The following IGF2BP3 variants were observed in gnomAD, a reference collection of about 807,000 sequenced individuals.
IGF2BP3 encodes the protein insulin like growth factor 2 mRNA binding protein 3.
In IGF2BP3, 9 loss-of-function variants were observed where a neutral mutation model predicts 73.8. The observed-to-expected ratio is 0.12, with a 90% CI of 0.07 to 0.21. The LOEUF (loss-of-function observed/expected upper bound fraction) is 0.21. Ranked by LOEUF, IGF2BP3 falls within the 10% of genes least tolerant of loss-of-function variation. The probability of loss-of-function intolerance (pLI) is 1.00; values close to 1 mark genes in which losing one functional copy is unlikely to be tolerated. For missense variants in IGF2BP3, 542 were observed against 714.0 expected, an observed-to-expected ratio of 0.76 and a Z score of 2.75; for synonymous variants, 258 against 256.7, an observed-to-expected ratio of 1.01 and a Z score of -0.05.
intron 2 of IGF2BP3, among the ~76,000 whole-genome samples, chr7:23,421,021 G>T (rs533854970): frequency 6.6e-6 from 1 of 152,090 alleles, no homozygotes; most frequent in Admixed American, 6.5e-5. Context: ...TTTCTTTTGT[G>T]TGTGTGTGAC....
chr7:23,369,462 T>C (rs1258205181), intron 3 of IGF2BP3, among the ~76,000 whole-genome samples: 1 of 152,230 alleles, frequency 6.6e-6, no homozygotes, highest in Non-Finnish European at 1.5e-5. Flanking sequence ...GACTGTCTCC[T>C]TGCTTGACAG....
At chr7:23,441,807 A>C (rs1422053531) in intron 2 of IGF2BP3, among the ~76,000 whole-genome samples, 2 of 152,066 alleles carry the variant, frequency 1.3e-5, no homozygotes, top group Non-Finnish European at 2.9e-5. Flanking sequence ...TCTGTTTATA[A>C]ATTGAATAAG....
chr7:23,365,130 C>A lies in IGF2BP3; in HGVS notation c.286-3389G>T, dbSNP rs537547706. Among the ~76,000 whole-genome samples, 8 of 152,182 alleles carry A rather than the reference C, an allele frequency of 5.3e-5. No individual in the cohort carries two copies. The East Asian group carries it at 1.6e-3, about 30-fold the overall frequency. On this transcript the variant is annotated intron_variant, in intron 3 of 14. Transcript: ENST00000258729. ...GCAGTGAGCAGAGATTGCACCACTG[C>A]ACTCCAGCCTGGGCAAAAGAGCAAG...
At chr7:23,387,042 A>G (rs1786104612) in intron 3 of IGF2BP3, among the ~76,000 whole-genome samples, 1 of 151,080 alleles carries the variant, frequency 6.6e-6, no homozygotes, top group Admixed American at 6.6e-5. Flanking sequence ...ACTCCTGCCT[A>G]GCAACACGGC....
At chr7:23,369,602 T>C (rs1037568321) in intron 3 of IGF2BP3, among the ~76,000 whole-genome samples, 26 of 151,986 alleles carry the variant, frequency 1.7e-4, no homozygotes, top group African/African-American at 6.3e-4. Context: ...CTGCAAGAAA[T>C]TTGATTCACT....
chr7:23,351,444 G>T lies in IGF2BP3; in HGVS notation c.544C>A (p.Gln182Lys). 6.2e-7 allele frequency: 1 copy of T among 1,613,708 alleles called. No homozygotes were observed. Among genetic ancestry groups the T allele is most frequent in the South Asian group, 1.1e-5 (1 of 91,000 alleles). The stretch of plus-strand genomic sequence containing the variant: ...TTGGATACGGATCCTGGAGACCCCT[G>T]CCTTGAGGAGCCCCTCTGCCCAAGC... ...RGLGQRGSSRQGSPGSVSKQK... is the reference protein window; with the variant it reads ...RGLGQRGSSRKGSPGSVSKQK... Residue 182 changes from glutamine to lysine, a missense_variant, in exon 6 of 15, where the codon CAG (glutamine) becomes AAG (lysine). This residue lies in a region of IGF2BP3 where 239 missense variants were observed against 241.9 expected (regional missense o/e 0.99). Transcript: ENST00000258729.
At chr7:23,441,446 G>A (rs1158199114) in intron 2 of IGF2BP3, among the ~76,000 whole-genome samples, 2 of 151,792 alleles carry the variant, frequency 1.3e-5, no homozygotes, top group African/African-American at 2.4e-5. Context: ...GGTGGTGCAC[G>A]CCTGTAGTTC....
At position 23,352,407 on chromosome 7, in the gene IGF2BP3, G is replaced by A. The variant is rs139349782; in HGVS notation, c.402-821C>T. The stretch of plus-strand genomic sequence containing the variant: ...GGGTTCAAGAGATTCTTGTGCCTCA[G>A]CCTCCCAAGTAACTGGGATTATAGG... On this transcript the variant is annotated intron_variant, in intron 5 of 14. Coordinates refer to ENST00000258729, the MANE Select transcript of IGF2BP3 (RefSeq NM_006547.3). Among the ~76,000 whole-genome samples the A allele has an allele frequency of 4.1e-5, 6 of 147,768 alleles. No homozygotes were observed. The East Asian group carries it at 1.0e-3, about 26-fold the overall frequency.
At chr7:23,412,394 G>A (rs750314049) in intron 3 of IGF2BP3, among the ~76,000 whole-genome samples, 1 of 152,212 alleles carries the variant, frequency 6.6e-6, no homozygotes, top group Non-Finnish European at 1.5e-5. Flanking sequence ...AAATATGCAA[G>A]TGTTGAAGTA....
At chr7:23,404,929 G>A (rs866623582) in intron 3 of IGF2BP3, 12 of 152,046 alleles carry the variant, frequency 7.9e-5, no homozygotes, top group African/African-American at 2.9e-4. Context: ...TGTATATTTT[G>A]TTCATTAAAA....
At chr7:23,350,797 C>A (rs980176553) in intron 6 of IGF2BP3, among the ~76,000 whole-genome samples, 3 of 152,136 alleles carry the variant, frequency 2.0e-5, no homozygotes. Context: ...CAATTAAAAC[C>A]ATCAAAAAAT....
chr7:23,312,976 A>T, intron 13 of IGF2BP3, 128 bp from the exon 14 acceptor site: 1 of 618,478 alleles, frequency 1.6e-6, no homozygotes. Flanking sequence ...TGGTAATTCC[A>T]TGAGGTTATT....
chr7:23,321,022 C>T (rs1784129313), intron 10 of IGF2BP3, among the ~76,000 whole-genome samples: 1 of 150,468 alleles, frequency 6.6e-6, no homozygotes, highest in Admixed American at 6.6e-5. Flanking sequence ...ACCCAATCAG[C>T]AAATGTTTCT....
chr7:23,406,287 G>A (rs570891969), intron 3 of IGF2BP3, among the ~76,000 whole-genome samples: 2 of 152,030 alleles, frequency 1.3e-5, no homozygotes, highest in African/African-American at 2.4e-5. Flanking sequence ...GGTATCTAAG[G>A]TCCTTGCTTT....
chr7:23,399,501 C>A (rs1786592109), intron 3 of IGF2BP3, among the ~76,000 whole-genome samples: 1 of 151,970 alleles, frequency 6.6e-6, no homozygotes, highest in Non-Finnish European at 1.5e-5. Flanking sequence ...GGATTCTCCC[C>A]TAAGACTTCT....
At chr7:23,448,322 T>C (rs1327540724) in intron 2 of IGF2BP3, among the ~76,000 whole-genome samples, 4 of 152,248 alleles carry the variant, frequency 2.6e-5, no homozygotes. Context: ...AGTGTATCGA[T>C]AGATGCCCAG....
At chr7:23,406,817 T>C (rs43350) in intron 3 of IGF2BP3, among the ~76,000 whole-genome samples, 96,006 of 151,916 alleles carry the variant, frequency 0.63, 31,039 homozygotes, top group African/African-American at 0.75. Context: ...TGCGTTTTTA[T>C]AGAGTGCTGA....
Position 23,454,318 on chromosome 7 carries a change from A to G in IGF2BP3, c.236+14164T>C, listed in dbSNP as rs78055640. Reference sequence around the variant, plus strand: ...ATTTTAGGGATTCTAAGATCCATGCACCTAGATATAAAGCACCAATTCTTA... The same window carrying G: ...ATTTTAGGGATTCTAAGATCCATGCGCCTAGATATAAAGCACCAATTCTTA... On this transcript the variant is annotated intron_variant, in intron 2 of 14. Transcript: ENST00000258729. Among the ~76,000 whole-genome samples the G allele has an allele frequency of 9.0e-3, 1,369 of 152,300 alleles. 16 individuals carry two copies. The highest frequency in any genetic ancestry group is 0.031 in the African/African-American group (1,273 of 41,562).
At chr7:23,366,382 C>T (rs1785372088) in intron 3 of IGF2BP3, among the ~76,000 whole-genome samples, 1 of 152,086 alleles carries the variant, frequency 6.6e-6, no homozygotes, top group Non-Finnish European at 1.5e-5. Context: ...AAGTGATCCA[C>T]CCACCTTGGT....
Sources: allele counts gnomAD v4.1 joint callset (sites outside exome capture counted in the v4.1 genomes callset), GRCh38; gene constraint gnomAD v4.1.1; regional missense constraint gnomAD v4.1.1; transcripts MANE v1.5; gene names NCBI Gene and HGNC (gene_info 2026-07-23, HGNC 2026-07-21).